The following RYR1 variants were observed in gnomAD, a reference collection of about 807,000 sequenced individuals.
RYR1 encodes central core disease of muscle.
In RYR1, 342 loss-of-function variants were observed where a neutral mutation model predicts 583.5. That is an observed-to-expected ratio of 0.59 (90% confidence interval 0.54 to 0.64). The LOEUF (loss-of-function observed/expected upper bound fraction) is 0.64. Among genes scored for constraint, RYR1 ranks in the 30% least tolerant of loss-of-function variants. The pLI, the probability that RYR1 is intolerant of heterozygous loss-of-function variation, is 0.00. For synonymous variants in RYR1, 2,791 were observed against 2,822.5 expected (o/e 0.99, Z 0.35); for missense variants, 6,032 against 6,917.2 (o/e 0.87, Z 4.54).
chr19:38,580,289 C>G, intron 100 of RYR1, 81 bp from the exon 101 acceptor site: 1 of 1,598,418 alleles, frequency 6.3e-7, no homozygotes, highest in Non-Finnish European at 8.5e-7. Context: ...AGGGACTGAA[C>G]CGGGGCCAGG....
chr19:38,539,589 G>A (rs1210102176), intron 84 of RYR1, among the ~76,000 whole-genome samples: 1 of 151,862 alleles, frequency 6.6e-6, no homozygotes, highest in Admixed American at 6.6e-5. Flanking sequence ...TCAGTCTTTG[G>A]GTTTAAAATA....
Position 38,535,400 on chromosome 19 carries a change from C to T in RYR1, c.11516+8C>T, listed in dbSNP as rs574532127. ...ACTGATGCAAACATGCAGGTAGGTT[C>T]GAGTGGACCTCTTCTTGTTAAGCTG... On this transcript the variant is annotated splice_region_variant and intron_variant, in intron 81 of 105. Coordinates refer to ENST00000359596, the MANE Select transcript of RYR1 (RefSeq NM_000540.3). 5.6e-6 allele frequency: 9 copies of T among 1,608,294 alleles called. No individual in the cohort carries two copies. The highest frequency in any genetic ancestry group is 2.2e-5 in the South Asian group (2 of 90,952).
chr19:38,516,155 C>T lies in RYR1; in HGVS notation c.9623C>T (p.Pro3208Leu), dbSNP rs758210285. Reference sequence around the variant, plus strand: ...GCCATGCCGGTGGCGTTCCTGGAGCCGCAGCTGAACGAGTACAACGCCTGC... The same window carrying T: ...GCCATGCCGGTGGCGTTCCTGGAGCTGCAGCTGAACGAGTACAACGCCTGC... ...AAAMPVAFLE[P>L]QLNEYNACSV... Residue 3208 changes from proline (P) to leucine (L), a missense_variant, in exon 65 of 106, where the codon CCG (proline) becomes CTG (leucine). Physicochemically the swap from Pro to Leu is moderately conservative, Grantham distance 98. Around this residue, in one of 11 missense-constraint regions of RYR1, gnomAD observed 1,493 missense variants for 1,715.5 expected, o/e 0.87. Coordinates refer to ENST00000359596, the MANE Select transcript of RYR1 (RefSeq NM_000540.3). 7.7e-6 allele frequency: 12 copies of T among 1,556,552 alleles called. No homozygotes were observed. In the East Asian group the frequency reaches 9.6e-5, roughly 12 times the overall value.
chr19:38,494,308 C>T (rs1287336282), intron 38 of RYR1, 44 bp from the exon 39 acceptor site: 2 of 1,610,256 alleles, frequency 1.2e-6, no homozygotes, highest in Non-Finnish European at 1.7e-6. Flanking sequence ...ATGTGCCGAC[C>T]TGCCCTGCAT....
At chr19:38,505,772 T>C (rs1970415890) in intron 53 of RYR1, 34 bp from the exon 54 acceptor site, 2 of 1,613,582 alleles carry the variant, frequency 1.2e-6, no homozygotes, top group South Asian at 1.1e-5. Flanking sequence ...TCTCATCCCA[T>C]TCCACCAACT....
chr19:38,517,722 G>C (rs1971040669), intron 66 of RYR1, 31 bp downstream of exon 66: 1 of 1,600,624 alleles, frequency 6.2e-7, no homozygotes. Context: ...CCTCTGAGGG[G>C]TGGGTCAGCA....
chr19:38,564,862 C>T (rs1973315025), intron 90 of RYR1, 97 bp from the exon 91 acceptor site: 1 of 1,522,886 alleles, frequency 6.6e-7, no homozygotes, highest in Non-Finnish European at 8.8e-7. Context: ...TAGAACAGCG[C>T]CTGCCGCGGT....
intron 11 of RYR1, among the ~76,000 whole-genome samples, chr19:38,451,156 G>A (rs755525051): frequency 3.3e-5 from 5 of 152,224 alleles, no homozygotes; most frequent in South Asian, 2.1e-4. Flanking sequence ...GGAGGCACTC[G>A]TTTGCAAAAA....
chr19:38,433,716 C>T lies in RYR1; in HGVS notation c.-114C>T. On this transcript the variant is annotated 5_prime_UTR_variant, in exon 1 of 106. Coordinates refer to ENST00000359596, the MANE Select transcript of RYR1 (RefSeq NM_000540.3). Reference sequence around the variant, plus strand: ...GCAGTTCCATCTACCTCGCGGGTGCCTCTGGTGTCTCCAGAGGTCTCCGAC... The same window carrying T: ...GCAGTTCCATCTACCTCGCGGGTGCTTCTGGTGTCTCCAGAGGTCTCCGAC... The T allele has an allele frequency of 1.3e-6, 1 of 797,120 alleles. No individual in the cohort carries two copies. Among genetic ancestry groups the T allele is most frequent in the Non-Finnish European group, 2.1e-6 (1 of 465,672 alleles). The allele number at this position is 797,120 out of a possible 1,614,324, so 49.4% of individuals were successfully genotyped here.
At chr19:38,503,926 C>A (rs1377281332) in intron 49 of RYR1, among the ~76,000 whole-genome samples, 2 of 152,076 alleles carry the variant, frequency 1.3e-5, no homozygotes, top group Admixed American at 6.5e-5. Flanking sequence ...CACTACATAC[C>A]CATGGATTAA....
intron 34 of RYR1, among the ~76,000 whole-genome samples, chr19:38,488,222 C>T (rs1568487297): frequency 1.3e-5 from 2 of 152,188 alleles, no homozygotes; most frequent in Non-Finnish European, 2.9e-5. Flanking sequence ...TTTACTTCCT[C>T]ATGCATCTAT....
chr19:38,512,513 CGGGG>C lies in RYR1; in HGVS notation c.9472+31_9472+34del. 6.3e-7 allele frequency: 1 copy of C among 1,598,176 alleles called. No individual in the cohort carries two copies. The highest frequency in any genetic ancestry group is 8.5e-7 in the Non-Finnish European group (1 of 1,174,736). On this transcript the variant is annotated intron_variant, in intron 63 of 105. Coordinates refer to ENST00000359596, the MANE Select transcript of RYR1 (RefSeq NM_000540.3). This position sits in a 1 kb window ranked among gnomAD's most constrained non-coding sequence, Gnocchi z 5.1. ...GGGCGCCTGACCCAAGGGCAGGTTG[CGGGG>C]AGTCAGTGTGGCCAACACCACCCAT...
chr19:38,502,444 G>A, intron 47 of RYR1, 63 bp from the exon 48 acceptor site: 2 of 1,488,938 alleles, frequency 1.3e-6, no homozygotes, highest in Non-Finnish European at 1.8e-6. Flanking sequence ...AGTCGCTCAA[G>A]ACAGGTGCCA....
intron 87 of RYR1, 131 bp from the exon 88 acceptor site, chr19:38,546,314 C>T (rs1013332516): frequency 1.4e-6 from 1 of 736,418 alleles, no homozygotes; most frequent in Admixed American, 2.0e-5. Context: ...CATGTCTGGA[C>T]TCGGGTCCCC....
At chr19:38,518,195 AGAAG>A (rs757123534) in intron 66 of RYR1, among the ~76,000 whole-genome samples, 20 of 151,668 alleles carry the variant, frequency 1.3e-4, no homozygotes, top group Non-Finnish European at 2.5e-4. Context: ...AGGGAAGGAA[AGAAG>A]GAAGGAAGGC....
chr19:38,513,694 C>T (rs1024310575), intron 63 of RYR1, among the ~76,000 whole-genome samples: 3 of 151,746 alleles, frequency 2.0e-5, no homozygotes, highest in African/African-American at 7.3e-5. Flanking sequence ...TGAGATTGCA[C>T]CACTGCACTC....
At chr19:38,477,578 G>A in intron 29 of RYR1, 132 bp from the exon 30 acceptor site, 1 of 1,026,292 alleles carries the variant, frequency 9.7e-7, no homozygotes, top group Non-Finnish European at 1.5e-6. Context: ...AGGGGGTGGG[G>A]GACTCAGATC....
At chr19:38,581,959 C>T (rs539042699) in intron 101 of RYR1, among the ~76,000 whole-genome samples, 1 of 152,266 alleles carries the variant, frequency 6.6e-6, no homozygotes, top group African/African-American at 2.4e-5. Flanking sequence ...AGGGAGCGTG[C>T]CCCTGCCACT....
intron 42 of RYR1, among the ~76,000 whole-genome samples, chr19:38,497,632 T>C (rs1018485753): frequency 3.9e-5 from 6 of 152,164 alleles, no homozygotes; most frequent in African/African-American, 1.2e-4. Context: ...TCAACAAATA[T>C]GTAGTGTTAG....
Sources: gnomAD v4.1 joint callset for allele counts (sites outside exome capture counted in the v4.1 genomes callset) on GRCh38, gnomAD v4.1.1 for gene constraint, gnomAD v4.1.1 regional missense constraint, Gnocchi (gnomAD v3.1) non-coding constraint, MANE v1.5 for transcripts, NCBI Gene and HGNC (gene_info 2026-07-23, HGNC 2026-07-21) for gene names.